NRP1: variants seen among roughly 807,000 people sequenced by gnomAD.
NRP1 encodes the protein neuropilin 1.
A neutral mutation model predicts 106.7 loss-of-function variants in NRP1; 35 were observed. The observed-to-expected ratio is 0.33, with a 90% CI of 0.25 to 0.43. NRP1 has a LOEUF of 0.43. Among genes scored for constraint, NRP1 ranks in the 20% least tolerant of loss-of-function variants. NRP1 has a pLI of 1.00. For synonymous variants in NRP1, 437 were observed against 417.9 expected, an observed-to-expected ratio of 1.05 and a Z score of -0.56; for missense variants, 1,024 against 1,170.4, an observed-to-expected ratio of 0.87 and a Z score of 1.83.
chr10:33,194,708 T>C (rs748754350), intron 12 of NRP1: 2 of 521,872 alleles, frequency 3.8e-6, no homozygotes, highest in Admixed American at 2.0e-5. Flanking sequence ...TTAAAGGATA[T>C]GTTTTTAGAT....
chr10:33,291,128 C>A (rs752087860), intron 2 of NRP1, among the ~76,000 whole-genome samples: 1 of 152,146 alleles, frequency 6.6e-6, no homozygotes, highest in Non-Finnish European at 1.5e-5. Flanking sequence ...TTATTCAGGG[C>A]TTTTAAAAGC....
At chr10:33,273,087 GT>G (rs1564444778) in intron 2 of NRP1, among the ~76,000 whole-genome samples, 1 of 116,648 alleles carries the variant, frequency 8.6e-6, no homozygotes, top group African/African-American at 3.3e-5. Flanking sequence ...TATGTGTGGG[GT>G]GGTGAGTGGG....
At chr10:33,269,924 T>A (rs1843181980) in intron 3 of NRP1, among the ~76,000 whole-genome samples, 1 of 152,228 alleles carries the variant, frequency 6.6e-6, no homozygotes, top group African/African-American at 2.4e-5. Context: ...TGATTCTACC[T>A]TATGGTGAGT....
intron 13 of NRP1, among the ~76,000 whole-genome samples, chr10:33,191,629 T>C (rs1836419214): frequency 6.6e-6 from 1 of 152,228 alleles, no homozygotes; most frequent in Non-Finnish European, 1.5e-5. Flanking sequence ...CATTCTACTA[T>C]TTCTTTTCCA....
At chr10:33,186,610 G>T in intron 13 of NRP1, 122 bp from the exon 14 acceptor site, 1 of 1,155,388 alleles carries the variant, frequency 8.7e-7, no homozygotes, top group Non-Finnish European at 1.2e-6. Flanking sequence ...CAAATACGTA[G>T]TGGAAAGGGA....
intron 7 of NRP1, among the ~76,000 whole-genome samples, chr10:33,222,064 C>T (rs958390587): frequency 6.6e-6 from 1 of 152,016 alleles, no homozygotes; most frequent in African/African-American, 2.4e-5. Flanking sequence ...TCCTAATCAT[C>T]GATTCAATTT....
In NRP1 at chr10:33,254,074, T is replaced by C. The variant is rs748245414; in HGVS notation, c.935A>G (p.Glu312Gly). 6 of 1,613,866 alleles carry C rather than the reference T, an allele frequency of 3.7e-6. No homozygotes were observed. In the South Asian group the frequency reaches 6.6e-5, roughly 18 times the overall value. ...ATCCTCTCCGGGAGTCCACCCATTCTCAGGGTAGTTCAGGCGGGAGCGCTC... is the reference window on the plus strand; with the variant it reads ...ATCCTCTCCGGGAGTCCACCCATTCCCAGGGTAGTTCAGGCGGGAGCGCTC... ...SAERSRLNYP[E>G]NGWTPGEDSY... The change falls in exon 6 of 17, where the codon GAG becomes GGG. Residue 312 changes from glutamate to glycine, a missense_variant. This residue lies in a region of NRP1 where 562 missense variants were observed against 620.3 expected (regional missense o/e 0.91). Transcript: ENST00000374867.
chr10:33,204,033 G>T (rs116319440), intron 10 of NRP1, among the ~76,000 whole-genome samples: 4 of 151,980 alleles, frequency 2.6e-5, no homozygotes, highest in Non-Finnish European at 4.4e-5. Context: ...TTTAAATTTC[G>T]TTCAGATATT....
At chr10:33,283,330 A>G (rs1303620673) in intron 2 of NRP1, among the ~76,000 whole-genome samples, 2 of 152,174 alleles carry the variant, frequency 1.3e-5, no homozygotes, top group African/African-American at 4.8e-5. Context: ...TCATGCTTAG[A>G]GTACTTGTCC....
chr10:33,239,860 A>G (rs1840881409), intron 6 of NRP1, among the ~76,000 whole-genome samples: 1 of 152,212 alleles, frequency 6.6e-6, no homozygotes, highest in Non-Finnish European at 1.5e-5. Context: ...TTTATGTATC[A>G]GATGTTTACC....
At chr10:33,234,432 A>T (rs1840404321) in intron 6 of NRP1, among the ~76,000 whole-genome samples, 1 of 152,208 alleles carries the variant, frequency 6.6e-6, no homozygotes, top group Non-Finnish European at 1.5e-5. Context: ...CTCAGTAATA[A>T]TAATTAAATC....
At chr10:33,230,595 ATATGTGTGTGTG>A (rs1236508335) in intron 6 of NRP1, among the ~76,000 whole-genome samples, 6 of 116,670 alleles carry the variant, frequency 5.1e-5, no homozygotes, top group Admixed American at 9.2e-5. Context: ...AGTTTCTCAT[ATATGTGTGTGTG>A]TGTGTGTGTG....
intron 6 of NRP1, 79 bp from the exon 7 acceptor site, chr10:33,226,368 A>G (rs541054033): frequency 4.6e-6 from 7 of 1,519,010 alleles, no homozygotes; most frequent in African/African-American, 1.4e-5. Context: ...TGTGGGCTCC[A>G]CGTTGTGGTT....
At chr10:33,195,978 AC>A (rs1213797424) in intron 12 of NRP1, among the ~76,000 whole-genome samples, 4 of 151,986 alleles carry the variant, frequency 2.6e-5, no homozygotes, top group African/African-American at 9.7e-5. Flanking sequence ...ACCACAGTAG[AC>A]TCTGTGACAG....
chr10:33,190,307 C>T (rs543653289), intron 13 of NRP1, among the ~76,000 whole-genome samples: 100 of 152,296 alleles, frequency 6.6e-4, no homozygotes, highest in Admixed American at 4.1e-3. Context: ...ACCATTACTG[C>T]CTTCATTTTG....
At chr10:33,220,329 G>C (rs914042941) in intron 8 of NRP1, among the ~76,000 whole-genome samples, 2 of 151,982 alleles carry the variant, frequency 1.3e-5, no homozygotes, top group African/African-American at 4.8e-5. Flanking sequence ...CAGAAAAATG[G>C]AATAAAAAAT....
intron 11 of NRP1, among the ~76,000 whole-genome samples, chr10:33,200,471 T>C (rs1254771465): frequency 6.6e-6 from 1 of 152,128 alleles, no homozygotes; most frequent in African/African-American, 2.4e-5. Context: ...ACAATATTTC[T>C]CCCCTCTAGA....
In NRP1 at chr10:33,179,707, A is replaced by G. The variant is rs529234897; in HGVS notation, c.*369T>C. The G allele has an allele frequency of 1.6e-4, 35 of 221,640 alleles. No homozygotes were observed. Among genetic ancestry groups the G allele is most frequent in the African/African-American group, 7.5e-4 (33 of 44,150 alleles). The allele number at this position is 221,640 out of a possible 1,614,324, so 13.7% of individuals were successfully genotyped here. On this transcript the variant is annotated 3_prime_UTR_variant, in exon 17 of 17. Coordinates refer to ENST00000374867, the MANE Select transcript of NRP1 (RefSeq NM_003873.7). ...GTCCATCCAAAGGGCCACACGGAAT[A>G]CGCTTGGTGCCAGCATCTTGGATTT...
At chr10:33,219,406 C>G (rs570353047) in intron 8 of NRP1, among the ~76,000 whole-genome samples, 2 of 152,198 alleles carry the variant, frequency 1.3e-5, no homozygotes, top group Non-Finnish European at 2.9e-5. Context: ...CTCCAAAAAC[C>G]TGCTTCTGGC....
Sources: gnomAD v4.1 joint callset for allele counts (sites outside exome capture counted in the v4.1 genomes callset) on GRCh38, gnomAD v4.1.1 for gene constraint, gnomAD v4.1.1 regional missense constraint, MANE v1.5 for transcripts, NCBI Gene and HGNC (gene_info 2026-07-23, HGNC 2026-07-21) for gene names.